Variants in CNTNAP1 observed in about 807,000 individuals in gnomAD.
CNTNAP1 encodes the protein contactin-associated protein 1.
Under a neutral mutation model 161.5 loss-of-function variants are expected in CNTNAP1, and 80 were observed. The observed-to-expected ratio is 0.50, with a 90% CI of 0.41 to 0.60. The LOEUF (loss-of-function observed/expected upper bound fraction) is 0.60. Ranked by LOEUF, CNTNAP1 falls within the 20% of genes least tolerant of loss-of-function variation. CNTNAP1 has a pLI of 0.00. For missense variants in CNTNAP1, 1,464 were observed against 1,854.8 expected (o/e 0.79, Z 3.87); for synonymous variants, 695 against 733.1 (o/e 0.95, Z 0.84).
Position 42,699,582 on chromosome 17 carries a change from C to G in CNTNAP1, c.*672C>G, listed in dbSNP as rs1357628444. The G allele has an allele frequency of 6.5e-6, 1 of 152,832 alleles. No homozygotes were observed. Among genetic ancestry groups the G allele is most frequent in the East Asian group, 1.9e-4 (1 of 5,340 alleles). 9.5% of individuals were successfully genotyped at this position (152,832 alleles called of 1,614,324 possible). A position where few individuals can be genotyped will look rare whatever the true frequency, so the allele number is the denominator to read the frequency against. On this transcript the variant is annotated 3_prime_UTR_variant, in exon 24 of 24. Coordinates refer to ENST00000264638, the MANE Select transcript of CNTNAP1 (RefSeq NM_003632.3). The stretch of plus-strand genomic sequence containing the variant: ...GATACCCTGACTAGCCAGCCCTCTA[C>G]TCCTCCAACCTTTTCCAAGATATGC...
In CNTNAP1 at chr17:42,682,775, G is replaced by A. The variant is rs2052951568; in HGVS notation, c.-55G>A. On this transcript the variant is annotated 5_prime_UTR_variant, in exon 1 of 24. Coordinates refer to ENST00000264638, the MANE Select transcript of CNTNAP1 (RefSeq NM_003632.3). ...GAGCTTGGAGCCCAAGCCAGAACTC[G>A]AGCCCTAGCCGGAGCCGTTCACAGG... The A allele has an allele frequency of 6.5e-7, 1 of 1,532,050 alleles. No homozygotes were observed. Among genetic ancestry groups the A allele is most frequent in the South Asian group, 1.2e-5 (1 of 83,844 alleles). The allele number at this position is 1,532,050 out of a possible 1,614,324, so 94.9% of individuals were successfully genotyped here. A position where few individuals can be genotyped will look rare whatever the true frequency, so the allele number is the denominator to read the frequency against.
chr17:42,687,568 A>AG lies in CNTNAP1; in HGVS notation c.1045-148dup, dbSNP rs1429736077. 9.8e-7 allele frequency: 1 copy of AG among 1,016,178 alleles called. No individual in the cohort carries two copies. Among genetic ancestry groups the AG allele is most frequent in the Non-Finnish European group, 1.5e-6 (1 of 688,942 alleles). 62.9% of individuals were successfully genotyped at this position (1,016,178 alleles called of 1,614,324 possible). ...CCCCTCCACAGATGGACGAGCTTGG[A>AG]GGGGAAGAGGTCACGTCATGGTTGG... On this transcript the variant is annotated intron_variant, in intron 7 of 23. Transcript: ENST00000264638. This position sits in a 1 kb window ranked among gnomAD's most constrained non-coding sequence, Gnocchi z 4.7.
Position 42,695,686 on chromosome 17 carries a change from A to T in CNTNAP1, c.3158A>T (p.His1053Leu). ...YDTPGYVPGY[H>L]GPGYRLPDYP... ...ACTCCGGGCTATGTGCCTGGCTACC[A>T]TGGCCCCGGGTACCGCCTGCCCGAC... Residue 1053 changes from histidine (H) to leucine (L), a missense_variant, in exon 19 of 24, where the codon CAT becomes CTT. Physicochemically the swap from His to Leu is moderately conservative, Grantham distance 99 (BLOSUM62 -3). This residue lies in a region of CNTNAP1 where 1,383 missense variants were observed against 1,765.0 expected (regional missense o/e 0.78). Transcript: ENST00000264638. 1.2e-6 allele frequency: 2 copies of T among 1,614,114 alleles called. No homozygotes were observed. Among genetic ancestry groups the T allele is most frequent in the Non-Finnish European group, 1.7e-6 (2 of 1,180,020 alleles).
At chr17:42,692,779 C>A in intron 17 of CNTNAP1, 59 bp downstream of exon 17, 1 of 1,473,642 alleles carries the variant, frequency 6.8e-7, no homozygotes, top group Non-Finnish European at 9.2e-7. Context: ...CCTCCAAGGC[C>A]ACTCGCCTTG....
Position 42,686,904 on chromosome 17 carries a change from T to C in CNTNAP1, c.902T>C (p.Met301Thr). 8.1e-6 allele frequency: 13 copies of C among 1,599,224 alleles called. No individual in the cohort carries two copies. Among genetic ancestry groups the C allele is most frequent in the African/African-American group, 1.3e-5 (1 of 74,750 alleles). Residue 301 changes from methionine (M) to threonine (T), a missense_variant and splice_region_variant, in exon 7 of 24, where the codon ATG becomes ACG. Transcript: ENST00000264638. ...DFERLNLDTEMFIGGLVGAAR... is the reference protein window; with the variant it reads ...DFERLNLDTETFIGGLVGAAR... Reference sequence around the variant, plus strand: ...CCTCATTCCCCACGCCTCCCGCAGATGTTCATCGGAGGTCTGGTGGGCGCC... The same window carrying C: ...CCTCATTCCCCACGCCTCCCGCAGACGTTCATCGGAGGTCTGGTGGGCGCC...
Position 42,683,882 on chromosome 17 carries a change from C to G in CNTNAP1, c.129C>G (p.Tyr43Ter). The G allele has an allele frequency of 6.2e-7, 1 of 1,613,576 alleles. No individual in the cohort carries two copies. Among genetic ancestry groups the G allele is most frequent in the Non-Finnish European group, 8.5e-7 (1 of 1,179,994 alleles). Reference protein sequence around the residue: ...LYARSLGASSYYSLLTAPRFA... With the variant: ...LYARSLGASS ...CACGCTCCCTGGGCGCCTCCTCCTA[C>G]TACAGTCTCCTTACTGCGCCGAGAT... Residue 43 changes from tyrosine (Y) to a stop codon, truncating the protein, a stop_gained, in exon 2 of 24, where the codon TAC (tyrosine) becomes TAG (stop). Coordinates refer to ENST00000264638, the MANE Select transcript of CNTNAP1 (RefSeq NM_003632.3). LOFTEE classifies it high-confidence loss of function.
intron 17 of CNTNAP1, 117 bp downstream of exon 17, chr17:42,692,837 C>G: frequency 1.2e-6 from 1 of 852,908 alleles, no homozygotes; most frequent in Non-Finnish European, 1.8e-6. Flanking sequence ...TGCTTCAGAG[C>G]AAGCCAGTGT....
intron 12 of CNTNAP1, 68 bp downstream of exon 12, chr17:42,690,275 G>T: frequency 1.9e-6 from 3 of 1,579,538 alleles, no homozygotes; most frequent in Non-Finnish European, 2.6e-6. Flanking sequence ...GTGGGTGGGG[G>T]CCAGTTAGAC....
chr17:42,696,288 T>C, intron 20 of CNTNAP1, 136 bp downstream of exon 20: 1 of 1,146,508 alleles, frequency 8.7e-7, no homozygotes, highest in Non-Finnish European at 1.2e-6. Flanking sequence ...TGTCACCTCA[T>C]GTAACCCTCA....
chr17:42,682,698 A>C lies in CNTNAP1; in HGVS notation c.-132A>C. 1 of 795,336 alleles carries C rather than the reference A, an allele frequency of 1.3e-6. No individual in the cohort carries two copies. Among genetic ancestry groups the C allele is most frequent in the Admixed American group, 2.2e-5 (1 of 46,212 alleles). The allele number at this position is 795,336 out of a possible 1,614,324, so 49.3% of individuals were successfully genotyped here. ...CGCTTGGGGGCGAAAGGAGAGAGGG[A>C]GGGAAGGGTGGGTAAGGAGGAGAGA... On this transcript the variant is annotated 5_prime_UTR_variant, in exon 1 of 24. Transcript: ENST00000264638.
intron 1 of CNTNAP1, 52 bp from the exon 2 acceptor site, chr17:42,683,769 G>A (rs951751952): frequency 4.4e-6 from 7 of 1,573,570 alleles, no homozygotes; most frequent in Non-Finnish European, 6.0e-6. Flanking sequence ...CCGGCCTTTG[G>A]AAGGGTCTGG....
chr17:42,697,230 T>C (rs1378746815), intron 20 of CNTNAP1, 44 bp from the exon 21 acceptor site: 1 of 1,381,702 alleles, frequency 7.2e-7, no homozygotes, highest in Admixed American at 1.7e-5. Context: ...CTGCTTCTGG[T>C]CCCCGCTCCC....
In CNTNAP1 at chr17:42,682,626, C is replaced by T. The variant is rs1597801932; in HGVS notation, c.-204C>T. On this transcript the variant is annotated 5_prime_UTR_variant, in exon 1 of 24. Transcript: ENST00000264638. ...AGGATAGAGAGAGAAGAGCGGAGGA[C>T]CAGGAACCAGAGAGAGAGAGAGAGA... 1 of 596,694 alleles carries T rather than the reference C, an allele frequency of 1.7e-6. No homozygotes were observed. Among genetic ancestry groups the T allele is most frequent in the African/African-American group, 1.9e-5 (1 of 52,648 alleles). 37.0% of individuals were successfully genotyped at this position (596,694 alleles called of 1,614,324 possible). A position where few individuals can be genotyped will look rare whatever the true frequency, so the allele number is the denominator to read the frequency against.
At position 42,682,865 on chromosome 17, in the gene CNTNAP1, C is replaced by T. The variant is rs1403443504; in HGVS notation, c.36C>T (p.Ala12=). Residue 12 remains alanine (A), a synonymous_variant, in exon 1 of 24, where the codon GCC becomes GCT. Coordinates refer to ENST00000264638, the MANE Select transcript of CNTNAP1 (RefSeq NM_003632.3). ...MHLRLFCILL[A]AVSGAEGWGY... Reference sequence around the variant, plus strand: ...TCCGGCTCTTCTGCATCCTGCTCGCCGCGGTCTCAGGAGCCGAGGGCTGGG... The same window carrying T: ...TCCGGCTCTTCTGCATCCTGCTCGCTGCGGTCTCAGGAGCCGAGGGCTGGG... 4 of 1,599,768 alleles carry T rather than the reference C, an allele frequency of 2.5e-6. No homozygotes were observed. Among genetic ancestry groups the T allele is most frequent in the South Asian group, 1.1e-5 (1 of 88,608 alleles).
intron 18 of CNTNAP1, 42 bp downstream of exon 18, chr17:42,693,578 G>A (rs377054691): frequency 1.3e-6 from 2 of 1,597,786 alleles, no homozygotes; most frequent in South Asian, 1.1e-5. Flanking sequence ...GCCATAGGGT[G>A]TAATGGGATG....
intron 3 of CNTNAP1, among the ~76,000 whole-genome samples, chr17:42,684,709 A>C (rs967939834): frequency 6.6e-6 from 1 of 151,656 alleles, no homozygotes; most frequent in Admixed American, 6.6e-5. Context: ...GTGGATCACG[A>C]GGTCAGGAGT....
intron 19 of CNTNAP1, 35 bp from the exon 20 acceptor site, chr17:42,695,990 C>A (rs2053147375): frequency 1.9e-6 from 3 of 1,610,674 alleles, no homozygotes; most frequent in African/African-American, 1.3e-5. Flanking sequence ...AGTCATGGGG[C>A]CTGAGACCCC....
chr17:42,691,109 C>T lies in CNTNAP1; in HGVS notation c.2060-28C>T. 6.2e-7 allele frequency: 1 copy of T among 1,610,892 alleles called. No homozygotes were observed. Among genetic ancestry groups the T allele is most frequent in the Non-Finnish European group, 8.5e-7 (1 of 1,178,652 alleles). On this transcript the variant is annotated intron_variant, in intron 13 of 23. Coordinates refer to ENST00000264638, the MANE Select transcript of CNTNAP1 (RefSeq NM_003632.3). The surrounding 1 kb of genome is among the most constrained non-coding windows in gnomAD (Gnocchi z 4.3). ...CCAGAGGCTAATGGAGGGACAGGGCCTGGAAGCTGCCTGCACCTCTTCCCC... is the reference window on the plus strand; with the variant it reads ...CCAGAGGCTAATGGAGGGACAGGGCTTGGAAGCTGCCTGCACCTCTTCCCC...
At position 42,689,642 on chromosome 17, in the gene CNTNAP1, G is replaced by T; in HGVS notation, c.1735+15G>T. The T allele has an allele frequency of 6.2e-7, 1 of 1,605,330 alleles. No individual in the cohort carries two copies. The highest frequency in any genetic ancestry group is 1.1e-5 in the South Asian group (1 of 90,846). On this transcript the variant is annotated intron_variant, in intron 11 of 23. Coordinates refer to ENST00000264638, the MANE Select transcript of CNTNAP1 (RefSeq NM_003632.3). ...CTGCCACACACGTAAGCCAGATGTG[G>T]TATGGGGGGAGTCAGGGACAAGGGA...
Sources: allele counts gnomAD v4.1 joint callset (sites outside exome capture counted in the v4.1 genomes callset), GRCh38; gene constraint gnomAD v4.1.1; regional missense constraint gnomAD v4.1.1; non-coding constraint Gnocchi (gnomAD v3.1); transcripts MANE v1.5; gene names NCBI Gene and HGNC (gene_info 2026-07-23, HGNC 2026-07-21).